The following KIF26B variants were observed in gnomAD, a reference collection of about 807,000 sequenced individuals.
KIF26B encodes kinesin-like protein KIF26B.
Under a neutral mutation model 151.2 loss-of-function variants are expected in KIF26B, and 63 were observed. The ratio of observed to expected loss-of-function variants is 0.42; its 90% CI spans 0.34 to 0.51. The LOEUF (loss-of-function observed/expected upper bound fraction) is 0.51. Among genes scored for constraint, KIF26B ranks in the 20% least tolerant of loss-of-function variants. The pLI is 0.07. For missense variants in KIF26B, 2,813 were observed against 2,913.6 expected (o/e 0.97, Z 0.79); for synonymous variants, 1,357 against 1,262.1 (o/e 1.08, Z -1.59).
intron 9 of KIF26B, chr1:245,614,720 T>C (rs1221808314): frequency 6.6e-6 from 1 of 152,244 alleles, no homozygotes; most frequent in Non-Finnish European, 1.5e-5. Flanking sequence ...CGACAGCCCA[T>C]GATGGTGAGC....
intron 2 of KIF26B, among the ~76,000 whole-genome samples, chr1:245,279,166 C>T (rs1251154091): frequency 6.6e-6 from 1 of 152,030 alleles, no homozygotes; most frequent in East Asian, 1.9e-4. Flanking sequence ...AGTTTTGGAG[C>T]CATATGTGTC....
intron 2 of KIF26B, among the ~76,000 whole-genome samples, chr1:245,219,139 T>C (rs894990603): frequency 8.2e-6 from 1 of 121,276 alleles, no homozygotes; most frequent in East Asian, 2.3e-4. Context: ...TTTTTTTTTT[T>C]TTTTTTTTTT....
intron 2 of KIF26B, among the ~76,000 whole-genome samples, chr1:245,320,996 A>G (rs1278448517): frequency 6.6e-6 from 1 of 152,158 alleles, no homozygotes; most frequent in Non-Finnish European, 1.5e-5. Flanking sequence ...TCAAATGTAA[A>G]CAAAAGGCCA....
chr1:245,703,210 T>TAATC lies in KIF26B; in HGVS notation c.*606_*609dup, dbSNP rs1443107224. 1.3e-5 allele frequency: 2 copies of TAATC among 152,716 alleles called. No homozygotes were observed. Among genetic ancestry groups the TAATC allele is most frequent in the South Asian group, 2.1e-4 (1 of 4,832 alleles). 9.5% of individuals were successfully genotyped at this position (152,716 alleles called of 1,614,324 possible). Reference sequence around the variant, plus strand: ...AAGTTGTGTTTGTAGAGCTATTTCTTAATCAGTATTGCTTATGAATAAATA... The same window carrying TAATC: ...AAGTTGTGTTTGTAGAGCTATTTCTTAATCAATCAGTATTGCTTATGAATAAATA... On this transcript the variant is annotated 3_prime_UTR_variant, in exon 15 of 15. Transcript: ENST00000407071.
chr1:245,341,750 T>G (rs1672338296), intron 2 of KIF26B, among the ~76,000 whole-genome samples: 1 of 152,186 alleles, frequency 6.6e-6, no homozygotes, highest in African/African-American at 2.4e-5. Context: ...TCCTTCATCT[T>G]TTTTAAAGCA....
intron 2 of KIF26B, among the ~76,000 whole-genome samples, chr1:245,333,747 C>T (rs1489801543): frequency 6.6e-6 from 1 of 152,186 alleles, no homozygotes; most frequent in African/African-American, 2.4e-5. Flanking sequence ...CCTGTAATCC[C>T]AGCACTTCGG....
intron 2 of KIF26B, among the ~76,000 whole-genome samples, chr1:245,228,567 CAA>C (rs111647275): frequency 3.5e-5 from 4 of 115,814 alleles, no homozygotes; most frequent in Admixed American, 8.8e-5. Context: ...AACTCCATCT[CAA>C]AAAAAAAAAA....
At chr1:245,559,843 G>C (rs2042922480) in intron 5 of KIF26B, among the ~76,000 whole-genome samples, 1 of 151,840 alleles carries the variant, frequency 6.6e-6, no homozygotes, top group African/African-American at 2.4e-5. Context: ...ACCACACCCA[G>C]CCTAACAAGG....
chr1:245,703,532 G>A lies in KIF26B; in HGVS notation c.*926G>A, dbSNP rs1184756179. 2 of 152,174 alleles carry A rather than the reference G, an allele frequency of 1.3e-5. No homozygotes were observed. Among genetic ancestry groups the A allele is most frequent in the African/African-American group, 4.8e-5 (2 of 41,442 alleles). The allele number at this position is 152,174 out of a possible 1,614,324, so 9.4% of individuals were successfully genotyped here. ...TCTGTAGACCGTTTGCCCCCCTCAA[G>A]TCCTCCACACATGTGGTTCCTTGAC... On this transcript the variant is annotated 3_prime_UTR_variant, in exon 15 of 15. Coordinates refer to ENST00000407071, the MANE Select transcript of KIF26B (RefSeq NM_018012.4).
chr1:245,459,495 T>C (rs1463902707), intron 4 of KIF26B, among the ~76,000 whole-genome samples: 2 of 152,222 alleles, frequency 1.3e-5, no homozygotes, highest in Admixed American at 6.5e-5. Flanking sequence ...ATCTATTTTG[T>C]ATTGAAAGAA....
chr1:245,625,792 G>A (rs574282752), intron 9 of KIF26B, among the ~76,000 whole-genome samples: 10 of 53,936 alleles, frequency 1.9e-4, no homozygotes, highest in Non-Finnish European at 2.8e-4. Flanking sequence ...CCCACATCCC[G>A]CCCCTTCCCA....
At chr1:245,501,093 A>G (rs987146629) in intron 4 of KIF26B, among the ~76,000 whole-genome samples, 1 of 152,208 alleles carries the variant, frequency 6.6e-6, no homozygotes, top group African/African-American at 2.4e-5. Context: ...GGTCAGTACC[A>G]TATTATCCCC....
intron 4 of KIF26B, among the ~76,000 whole-genome samples, chr1:245,470,250 G>A (rs77883412): frequency 0.087 from 13,251 of 152,086 alleles, 618 homozygotes; most frequent in Middle Eastern, 0.14. Context: ...GTGCTCGTGT[G>A]TTAGGCAGAA....
At chr1:245,164,555 C>T (rs888475923) in intron 2 of KIF26B, among the ~76,000 whole-genome samples, 40 of 152,232 alleles carry the variant, frequency 2.6e-4, no homozygotes, top group Admixed American at 2.3e-3. Context: ...CAGGAAACGG[C>T]AGGCATAGGC....
intron 3 of KIF26B, among the ~76,000 whole-genome samples, chr1:245,414,944 G>A (rs894243495): frequency 1.3e-5 from 2 of 152,200 alleles, no homozygotes; most frequent in African/African-American, 4.8e-5. Context: ...GAAAAAAACG[G>A]GAATCAGAGG....
At chr1:245,469,622 C>T (rs939085992) in intron 4 of KIF26B, among the ~76,000 whole-genome samples, 2 of 152,186 alleles carry the variant, frequency 1.3e-5, no homozygotes, top group African/African-American at 4.8e-5. Context: ...TGGGGCTAAG[C>T]ACAGCTAAGA....
At chr1:245,587,552 C>T (rs1014019700) in intron 5 of KIF26B, among the ~76,000 whole-genome samples, 4 of 152,194 alleles carry the variant, frequency 2.6e-5, no homozygotes, top group African/African-American at 9.7e-5. Flanking sequence ...ATCCCTTGGG[C>T]TAGTTTCTTC....
At chr1:245,442,276 C>T (rs576058028) in intron 4 of KIF26B, among the ~76,000 whole-genome samples, 1 of 152,234 alleles carries the variant, frequency 6.6e-6, no homozygotes, top group East Asian at 1.9e-4. Context: ...GCTTCCTGTC[C>T]GTGCTCTGGG....
intron 2 of KIF26B, among the ~76,000 whole-genome samples, chr1:245,258,210 T>C (rs1386835962): frequency 6.6e-6 from 1 of 152,154 alleles, no homozygotes; most frequent in Non-Finnish European, 1.5e-5. Context: ...GTTTATGGAG[T>C]TCGCTGTACA....
Sources: gnomAD v4.1 joint callset for allele counts (sites outside exome capture counted in the v4.1 genomes callset) on GRCh38, gnomAD v4.1.1 for gene constraint, MANE v1.5 for transcripts, NCBI Gene and HGNC (gene_info 2026-07-23, HGNC 2026-07-21) for gene names.